The following YAP1 variants were observed in gnomAD, a reference collection of about 807,000 sequenced individuals.
The protein encoded by YAP1 is transcriptional coactivator YAP1.
Under a neutral mutation model 56.9 loss-of-function variants are expected in YAP1, and 5 were observed. That is an observed-to-expected ratio of 0.09 (90% CI 0.05 to 0.18). The LOEUF is 0.18. YAP1 is among the 10% of genes least tolerant of loss of function. The pLI, the probability that YAP1 is intolerant of heterozygous loss-of-function variation, is 1.00. For missense variants in YAP1, 539 were observed against 651.8 expected (o/e 0.83, Z 1.88); for synonymous variants, 265 against 248.1 (o/e 1.07, Z -0.64).
chr11:102,127,496 A>T (rs556730447), intron 2 of YAP1, among the ~76,000 whole-genome samples: 6 of 131,236 alleles, frequency 4.6e-5, no homozygotes, highest in Non-Finnish European at 9.5e-5. Flanking sequence ...GAAGTCAAGA[A>T]TTCAGGTTTG....
intron 3 of YAP1, among the ~76,000 whole-genome samples, chr11:102,184,045 C>G (rs1285815407): frequency 6.8e-6 from 1 of 147,948 alleles, no homozygotes; most frequent in Non-Finnish European, 1.5e-5. Flanking sequence ...CCACTGCACT[C>G]CAGCCTGGGC....
intron 3 of YAP1, among the ~76,000 whole-genome samples, chr11:102,175,189 C>T (rs1947166817): frequency 6.6e-6 from 1 of 152,096 alleles, no homozygotes. Context: ...CACCTGAGGT[C>T]AGGAGTTTGA....
At chr11:102,130,156 A>G (rs1944290741) in intron 2 of YAP1, among the ~76,000 whole-genome samples, 1 of 152,162 alleles carries the variant, frequency 6.6e-6, no homozygotes, top group Admixed American at 6.5e-5. Flanking sequence ...TTTCTGAGTC[A>G]TAAATATTGA....
intron 4 of YAP1, among the ~76,000 whole-genome samples, chr11:102,202,480 A>ATT (rs1195978007): frequency 7.0e-6 from 1 of 142,412 alleles, no homozygotes; most frequent in Non-Finnish European, 1.5e-5. Context: ...CACCTGGCCG[A>ATT]TTTTTTTTTT....
intron 1 of YAP1, among the ~76,000 whole-genome samples, chr11:102,111,823 C>A (rs915626398): frequency 6.6e-6 from 1 of 152,100 alleles, no homozygotes; most frequent in Non-Finnish European, 1.5e-5. Flanking sequence ...TCCTTCCCCC[C>A]TCCCGTTTCC....
intron 3 of YAP1, among the ~76,000 whole-genome samples, chr11:102,177,493 A>T (rs937072211): frequency 1.3e-5 from 2 of 152,096 alleles, no homozygotes; most frequent in South Asian, 4.1e-4. Context: ...AGCCTGGCCA[A>T]CACAGTGAAA....
chr11:102,112,370 A>C lies in YAP1; in HGVS notation c.321+1201A>C, dbSNP rs999953145. 3 of 965,554 alleles carry C rather than the reference A, an allele frequency of 3.1e-6. No individual in the cohort carries two copies. The African/African-American group carries it at 5.3e-5, about 17-fold the overall frequency. 59.8% of individuals were successfully genotyped at this position (965,554 alleles called of 1,614,324 possible). ...GAGTGTTAACATTCCAATAGGTCCC[A>C]GTGGATTTGTTTTGTGTAGGGTTCT... is the stretch of plus-strand genomic sequence containing the variant. On this transcript the variant is annotated intron_variant, in intron 1 of 8. Coordinates refer to ENST00000282441, the MANE Select transcript of YAP1 (RefSeq NM_001130145.3).
chr11:102,141,944 A>G (rs1231418261), intron 2 of YAP1, among the ~76,000 whole-genome samples: 3 of 152,214 alleles, frequency 2.0e-5, no homozygotes, highest in Admixed American at 6.5e-5. Flanking sequence ...TGTGATTCGT[A>G]AGAACTTTTG....
intron 2 of YAP1, among the ~76,000 whole-genome samples, chr11:102,145,287 A>T (rs988330869): frequency 2.6e-5 from 4 of 152,188 alleles, no homozygotes; most frequent in African/African-American, 9.7e-5. Flanking sequence ...AATTGGTTAG[A>T]ATCTCACCAA....
In YAP1 at chr11:102,177,675, C is replaced by CAA. The variant is rs1022433513; in HGVS notation, c.689-8324_689-8323dup. On this transcript the variant is annotated intron_variant, in intron 3 of 8. Coordinates refer to ENST00000282441, the MANE Select transcript of YAP1 (RefSeq NM_001130145.3). ...CTGGCGACAGAGTGAGACTCGGTCT[C>CAA]AAAAAAAAAAAAAAAAAAAAGTTTA... Among the ~76,000 whole-genome samples, 356 of 54,860 alleles carry CAA rather than the reference C, an allele frequency of 6.5e-3. 3 individuals carry two copies. Among genetic ancestry groups the CAA allele is most frequent in the African/African-American group, 0.019 (319 of 17,092 alleles). The allele number at this position is 54,860 out of a possible 152,430, so 36.0% of individuals were successfully genotyped here. A position where few individuals can be genotyped will look rare whatever the true frequency, so the allele number is the denominator to read the frequency against.
intron 4 of YAP1, among the ~76,000 whole-genome samples, chr11:102,193,517 T>G (rs1230863682): frequency 3.9e-5 from 6 of 152,186 alleles, no homozygotes; most frequent in Non-Finnish European, 7.4e-5. Context: ...CAAAATAGTT[T>G]ATCAGTTATG....
chr11:102,160,577 G>A (rs907322556), intron 2 of YAP1, among the ~76,000 whole-genome samples: 3 of 152,196 alleles, frequency 2.0e-5, no homozygotes, highest in Non-Finnish European at 4.4e-5. Context: ...TCGGCTAGTA[G>A]CAAACTTATC....
intron 3 of YAP1, among the ~76,000 whole-genome samples, chr11:102,173,950 G>C (rs191187397): frequency 3.3e-5 from 5 of 152,332 alleles, no homozygotes; most frequent in Admixed American, 6.5e-5. Flanking sequence ...TGGTATTCTA[G>C]AGTAGTGCTT....
At chr11:102,180,103 G>A (rs538419066) in intron 3 of YAP1, among the ~76,000 whole-genome samples, 3 of 149,530 alleles carry the variant, frequency 2.0e-5, no homozygotes, top group Admixed American at 6.7e-5. Context: ...TCCAACTCCC[G>A]GGTACGAGAG....
chr11:102,135,898 G>C (rs2135259622), intron 2 of YAP1, among the ~76,000 whole-genome samples: 1 of 152,254 alleles, frequency 6.6e-6, no homozygotes, highest in Middle Eastern at 3.4e-3. Context: ...TTTTATTGCT[G>C]TATATTTTCA....
chr11:102,119,359 A>G (rs910964651), intron 2 of YAP1, among the ~76,000 whole-genome samples: 1 of 152,144 alleles, frequency 6.6e-6, no homozygotes, highest in African/African-American at 2.4e-5. Context: ...GAACTAAGAA[A>G]GAAGTTCACT....
chr11:102,183,236 A>G (rs907108500), intron 3 of YAP1, among the ~76,000 whole-genome samples: 10 of 152,198 alleles, frequency 6.6e-5, no homozygotes, highest in African/African-American at 2.2e-4. Context: ...GATGCAGAGT[A>G]TTTGTGATAA....
chr11:102,203,671 A>G (rs1447444773), intron 4 of YAP1, among the ~76,000 whole-genome samples: 1 of 152,222 alleles, frequency 6.6e-6, no homozygotes, highest in Non-Finnish European at 1.5e-5. Context: ...GTTTATGGAA[A>G]TTACCTTCAA....
chr11:102,146,025 TAGTTA>T (rs1848136988), intron 2 of YAP1, among the ~76,000 whole-genome samples: 1 of 152,212 alleles, frequency 6.6e-6, no homozygotes, highest in Non-Finnish European at 1.5e-5. Context: ...TAGGTCAAGT[TAGTTA>T]AGTCAGAATG....
Sources: gnomAD v4.1 joint callset for allele counts (sites outside exome capture counted in the v4.1 genomes callset) on GRCh38, gnomAD v4.1.1 for gene constraint, MANE v1.5 for transcripts, NCBI Gene and HGNC (gene_info 2026-07-23, HGNC 2026-07-21) for gene names.